Variants in STK4 observed in about 807,000 individuals in gnomAD.
STK4 encodes serine/threonine-protein kinase 4.
In STK4, 30 loss-of-function variants were observed where a neutral mutation model predicts 64.9. The observed-to-expected ratio is 0.46, with a 90% CI of 0.35 to 0.63. STK4 has a LOEUF of 0.63. STK4 is among the 20% of genes least tolerant of loss of function. The pLI is 0.01. For synonymous variants in STK4, 177 were observed against 199.0 expected (o/e 0.89, Z 0.93); for missense variants, 466 against 598.5 (o/e 0.78, Z 2.31).
At chr20:45,031,628 A>C (rs998326550) in intron 10 of STK4, among the ~76,000 whole-genome samples, 4 of 152,094 alleles carry the variant, frequency 2.6e-5, no homozygotes, top group Non-Finnish European at 5.9e-5. Flanking sequence ...GAGGCCAAGC[A>C]TGGTGGCTCA....
intron 10 of STK4, among the ~76,000 whole-genome samples, chr20:45,059,938 A>C (rs1159299783): frequency 6.6e-6 from 1 of 152,190 alleles, no homozygotes; most frequent in Admixed American, 6.5e-5. Context: ...ACATACTTTC[A>C]AAGCTGAAAT....
At chr20:45,053,160 C>G (rs778973480) in intron 10 of STK4, 6 of 1,610,810 alleles carry the variant, frequency 3.7e-6, no homozygotes, top group East Asian at 4.5e-5. Flanking sequence ...TGTGTAGATA[C>G]GCTTTCTGAG....
At chr20:44,997,501 G>A (rs1301407843) in intron 7 of STK4, among the ~76,000 whole-genome samples, 195 bp downstream of exon 7, 1 of 152,180 alleles carries the variant, frequency 6.6e-6, no homozygotes, top group Admixed American at 6.5e-5. Context: ...AGGCCAGCCA[G>A]CATGGTGAAA....
At chr20:44,982,371 G>A in intron 4 of STK4, among the ~76,000 whole-genome samples, 1 of 151,618 alleles carries the variant, frequency 6.6e-6, no homozygotes, top group Non-Finnish European at 1.5e-5. Context: ...CTGGCCTCAA[G>A]CAATTTTCCC....
At chr20:45,033,556 T>C (rs370389670) in intron 10 of STK4, among the ~76,000 whole-genome samples, 1 of 152,092 alleles carries the variant, frequency 6.6e-6, no homozygotes, top group East Asian at 1.9e-4. Context: ...CTTGTGTTCG[T>C]CAACTTTGAG....
intron 10 of STK4, among the ~76,000 whole-genome samples, chr20:45,033,437 G>A (rs2068476830): frequency 6.6e-6 from 1 of 152,084 alleles, no homozygotes. Context: ...TTCATTTTGA[G>A]TTGATTTTTG....
At chr20:45,006,518 T>A (rs2067948393) in intron 9 of STK4, among the ~76,000 whole-genome samples, 1 of 152,208 alleles carries the variant, frequency 6.6e-6, no homozygotes, top group African/African-American at 2.4e-5. Context: ...GTTTATTGTG[T>A]TTGTTATCTC....
At chr20:45,038,595 G>T (rs2068564221) in intron 10 of STK4, among the ~76,000 whole-genome samples, 1 of 151,836 alleles carries the variant, frequency 6.6e-6, no homozygotes, top group African/African-American at 2.4e-5. Flanking sequence ...CCTTCATTCG[G>T]GATATTGCTG....
At chr20:44,996,552 A>G (rs769569079) in intron 6 of STK4, among the ~76,000 whole-genome samples, 5 of 152,216 alleles carry the variant, frequency 3.3e-5, no homozygotes, top group Admixed American at 6.5e-5. Context: ...GCTTATTTGT[A>G]TAGTGTTTTA....
Position 45,077,467 on chromosome 20 carries a change from G to T in STK4, c.*2291G>T. Reference sequence around the variant, plus strand: ...CGCCCAGGCTGGAGTACAATGGCACGATCTTGGCTCACTGCAACCTCCGCC... The same window carrying T: ...CGCCCAGGCTGGAGTACAATGGCACTATCTTGGCTCACTGCAACCTCCGCC... On this transcript the variant is annotated 3_prime_UTR_variant, in exon 11 of 11. Coordinates refer to ENST00000372806, the MANE Select transcript of STK4 (RefSeq NM_006282.5). 1 of 152,744 alleles carries T rather than the reference G, an allele frequency of 6.5e-6. No homozygotes were observed. The highest frequency in any genetic ancestry group is 6.5e-5 in the Admixed American group (1 of 15,308). The allele number at this position is 152,744 out of a possible 1,614,324, so 9.5% of individuals were successfully genotyped here. A position where few individuals can be genotyped will look rare whatever the true frequency, so the allele number is the denominator to read the frequency against.
chr20:45,018,062 A>C (rs2068175903), intron 9 of STK4, among the ~76,000 whole-genome samples: 1 of 152,248 alleles, frequency 6.6e-6, no homozygotes, highest in African/African-American at 2.4e-5. Flanking sequence ...CATGTAAAGC[A>C]CTTAGGTGCC....
chr20:45,049,600 T>G (rs6017475), intron 10 of STK4, among the ~76,000 whole-genome samples: 1 of 151,978 alleles, frequency 6.6e-6, no homozygotes, highest in South Asian at 2.1e-4. Flanking sequence ...ACTCTTCCCT[T>G]TGCCAGCTTG....
At chr20:45,053,311 G>A (rs1246554494) in intron 10 of STK4, 3 of 670,484 alleles carry the variant, frequency 4.5e-6, no homozygotes, top group Admixed American at 2.9e-5. Flanking sequence ...AAATGCCTGC[G>A]GTTTTTGACC....
At chr20:45,008,369 T>A (rs1456176115) in intron 9 of STK4, among the ~76,000 whole-genome samples, 1 of 152,186 alleles carries the variant, frequency 6.6e-6, no homozygotes, top group Non-Finnish European at 1.5e-5. Flanking sequence ...TGCATTCTTT[T>A]TTTATGGCTG....
chr20:44,980,517 T>C (rs1486088564), intron 3 of STK4, among the ~76,000 whole-genome samples: 1 of 152,258 alleles, frequency 6.6e-6, no homozygotes, highest in Non-Finnish European at 1.5e-5. Flanking sequence ...TCTTCCAGCT[T>C]GAGACCTAAA....
chr20:44,993,969 ACT>A (rs752726896), intron 5 of STK4, among the ~76,000 whole-genome samples: 24 of 146,308 alleles, frequency 1.6e-4, no homozygotes, highest in Non-Finnish European at 3.5e-4. Flanking sequence ...GAAGATCAAA[ACT>A]CTTTCTCAAA....
chr20:45,047,449 G>T (rs2068714108), intron 10 of STK4, among the ~76,000 whole-genome samples: 2 of 152,168 alleles, frequency 1.3e-5, no homozygotes, highest in Non-Finnish European at 2.9e-5. Flanking sequence ...AACATGTGCA[G>T]CCCTTAGCGA....
chr20:45,072,112 T>G (rs917545739), intron 10 of STK4, among the ~76,000 whole-genome samples: 2 of 151,918 alleles, frequency 1.3e-5, no homozygotes, highest in Admixed American at 1.3e-4. Context: ...TCCCAGGGAG[T>G]CTTATTAAGT....
intron 10 of STK4, among the ~76,000 whole-genome samples, chr20:45,043,122 G>T (rs149953203): frequency 6.6e-6 from 1 of 151,648 alleles, no homozygotes; most frequent in Non-Finnish European, 1.5e-5. Flanking sequence ...TTTCTGTTCC[G>T]TGTTAGTTTG....
Sources: gnomAD v4.1 joint callset for allele counts (sites outside exome capture counted in the v4.1 genomes callset) on GRCh38, gnomAD v4.1.1 for gene constraint, MANE v1.5 for transcripts, NCBI Gene and HGNC (gene_info 2026-07-23, HGNC 2026-07-21) for gene names.